Variants in TMIGD3 observed in about 807,000 individuals in gnomAD.
TMIGD3 encodes transmembrane and immunoglobulin domain containing 3.
A neutral mutation model predicts 28.1 loss-of-function variants in TMIGD3; 21 were observed. The ratio of observed to expected loss-of-function variants is 0.75; its 90% CI spans 0.53 to 1.08. TMIGD3 has a LOEUF of 1.08. TMIGD3 is among the 50% of genes least tolerant of loss of function. The pLI is 0.00. For missense variants in TMIGD3, 416 were observed against 435.6 expected (o/e 0.96, Z 0.40); for synonymous variants, 151 against 162.1 (o/e 0.93, Z 0.52).
chr1:111,502,696 T>G (rs1387674062), intron 1 of TMIGD3, among the ~76,000 whole-genome samples: 1 of 151,314 alleles, frequency 6.6e-6, no homozygotes. Flanking sequence ...AGAGCATTTT[T>G]TACTAATTAA....
chr1:111,500,563 G>A, intron 1 of TMIGD3: 1 of 1,612,818 alleles, frequency 6.2e-7, no homozygotes, highest in Non-Finnish European at 8.5e-7. Flanking sequence ...GTATCTGTGT[G>A]AATGAAGAGA....
intron 1 of TMIGD3, among the ~76,000 whole-genome samples, chr1:111,549,426 A>G (rs1031528111): frequency 1.3e-5 from 2 of 150,408 alleles, no homozygotes; most frequent in African/African-American, 4.9e-5. Context: ...AGGCAGGTGG[A>G]TCACCTGAGG....
intron 1 of TMIGD3, among the ~76,000 whole-genome samples, chr1:111,514,629 G>T (rs567353484): frequency 8.6e-5 from 10 of 116,814 alleles, no homozygotes; most frequent in Admixed American, 8.1e-4. Flanking sequence ...ATATGAGTGT[G>T]CATACAGTAT....
In TMIGD3 at chr1:111,558,168, A is replaced by G. The variant is rs568241562; in HGVS notation, c.107+5678T>C. ...CCAAACTCTTTGGGTTAAAAAAGTC[A>G]ATATGGAAATTTTTTTCTTTTTGTT... is the stretch of plus-strand genomic sequence containing the variant. On this transcript the variant is annotated intron_variant, in intron 1 of 5. Coordinates refer to the TMIGD3 transcript ENST00000369717. Among the ~76,000 whole-genome samples the G allele has an allele frequency of 5.9e-5, 9 of 152,224 alleles. No individual in the cohort carries two copies. In the East Asian group the frequency reaches 1.4e-3, roughly 23 times the overall value.
intron 3 of TMIGD3, among the ~76,000 whole-genome samples, chr1:111,488,422 C>G (rs532047169): frequency 1.3e-5 from 2 of 152,194 alleles, no homozygotes; most frequent in Non-Finnish European, 2.9e-5. Context: ...GTCCTTAAAC[C>G]AGATTGCTGT....
chr1:111,540,635 A>G (rs762366265), intron 1 of TMIGD3, among the ~76,000 whole-genome samples: 3 of 152,164 alleles, frequency 2.0e-5, no homozygotes, highest in Non-Finnish European at 4.4e-5. Flanking sequence ...AGTCATGCAA[A>G]CTTCATGCTC....
chr1:111,503,770 G>A (rs1655374677), upstream of TMIGD3: 2 of 1,022,616 alleles, frequency 2.0e-6, no homozygotes, highest in Non-Finnish European at 2.4e-6. Context: ...GATGGGCCAA[G>A]AGGAAGTACA....
At chr1:111,500,712 G>T in intron 1 of TMIGD3, 1 of 701,668 alleles carries the variant, frequency 1.4e-6, no homozygotes, top group Non-Finnish European at 2.4e-6. Context: ...GATATCCTAT[G>T]GTGATTCCAG....
chr1:111,510,969 C>A (rs1655669874), intron 1 of TMIGD3, among the ~76,000 whole-genome samples: 1 of 152,150 alleles, frequency 6.6e-6, no homozygotes, highest in African/African-American at 2.4e-5. Flanking sequence ...CACTCACGGG[C>A]ACCCACATCC....
intron 1 of TMIGD3, among the ~76,000 whole-genome samples, chr1:111,553,685 A>C (rs572656600): frequency 2.1e-4 from 32 of 152,316 alleles, no homozygotes; most frequent in African/African-American, 7.2e-4. Context: ...TTCATAGACC[A>C]GTATTTTCAC....
intron 1 of TMIGD3, among the ~76,000 whole-genome samples, chr1:111,517,512 A>C (rs931228069): frequency 6.6e-6 from 1 of 152,198 alleles, no homozygotes; most frequent in African/African-American, 2.4e-5. Flanking sequence ...ATTTGCCCTG[A>C]GTAGAGCATT....
rs1654390590 is a variant in TMIGD3 at position 111,486,659 on chromosome 1, C to T, written c.806-7G>A. 1.2e-6 allele frequency: 2 copies of T among 1,613,582 alleles called. No individual in the cohort carries two copies. The highest frequency in any genetic ancestry group is 1.7e-5 in the Admixed American group (1 of 59,990). Reference sequence around the variant, plus strand: ...GTTTTGTTGCCTGATAGGTCTGAATCAGAAAGGATTTGTTAAGTCAGGTGA... The same window carrying T: ...GTTTTGTTGCCTGATAGGTCTGAATTAGAAAGGATTTGTTAAGTCAGGTGA... On this transcript the variant is annotated splice_polypyrimidine_tract_variant and splice_region_variant and intron_variant, in intron 3 of 5. Transcript: ENST00000369716.
intron 1 of TMIGD3, chr1:111,563,778 G>A: frequency 8.7e-7 from 1 of 1,145,800 alleles, no homozygotes; most frequent in South Asian, 1.3e-5. Flanking sequence ...ATGTTCCAAA[G>A]TGGTCAGTAT....
intron 1 of TMIGD3, among the ~76,000 whole-genome samples, chr1:111,532,434 T>C (rs1038377517): frequency 6.6e-6 from 1 of 152,180 alleles, no homozygotes; most frequent in Admixed American, 6.5e-5. Context: ...CCAGAAGTAT[T>C]CCAAGTGAAT....
At chr1:111,526,001 C>A (rs529598427) in intron 1 of TMIGD3, among the ~76,000 whole-genome samples, 15 of 151,980 alleles carry the variant, frequency 9.9e-5, no homozygotes, top group African/African-American at 3.6e-4. Context: ...GGATTTAAAT[C>A]TATCATCTGG....
intron 1 of TMIGD3, among the ~76,000 whole-genome samples, chr1:111,517,549 A>G (rs150690881): frequency 1.3e-5 from 2 of 152,350 alleles, no homozygotes; most frequent in African/African-American, 4.8e-5. Context: ...CAAAAAACAC[A>G]TGCCAGAATC....
chr1:111,506,966 C>CAT (rs1655520778), upstream of TMIGD3, among the ~76,000 whole-genome samples: 1 of 145,194 alleles, frequency 6.9e-6, no homozygotes, highest in Admixed American at 6.9e-5. Context: ...TATATATATA[C>CAT]ACACACACAC....
intron 1 of TMIGD3, among the ~76,000 whole-genome samples, chr1:111,509,054 C>T (rs1655606404): frequency 6.6e-6 from 1 of 152,154 alleles, no homozygotes. Flanking sequence ...GAGATCGCAC[C>T]ACTGCACTCC....
chr1:111,508,756 C>T (rs1032508323), intron 1 of TMIGD3, among the ~76,000 whole-genome samples: 19 of 152,320 alleles, frequency 1.2e-4, no homozygotes, highest in Admixed American at 3.9e-4. Context: ...ACTCAACAAC[C>T]CCACAAGGCA....
Sources: gnomAD v4.1 joint callset for allele counts (sites outside exome capture counted in the v4.1 genomes callset) on GRCh38, gnomAD v4.1.1 for gene constraint, MANE v1.5 for transcripts, NCBI Gene and HGNC (gene_info 2026-07-23, HGNC 2026-07-21) for gene names.